RETREG3: variants seen among roughly 807,000 people sequenced by gnomAD.
The protein encoded by RETREG3 is reticulophagy regulator 3.
A neutral mutation model predicts 50.2 loss-of-function variants in RETREG3; 23 were observed. The ratio of observed to expected loss-of-function variants is 0.46; its 90% CI spans 0.33 to 0.65. RETREG3 has a LOEUF of 0.65. RETREG3 is among the 30% of genes least tolerant of loss of function. The pLI is 0.02. For missense variants in RETREG3, 546 were observed against 598.0 expected (o/e 0.91, Z 0.91); for synonymous variants, 240 against 234.4 (o/e 1.02, Z -0.22).
chr17:42,598,855 A>G (rs545467024), intron 1 of RETREG3: 16 of 152,230 alleles, frequency 1.1e-4, no homozygotes, highest in Non-Finnish European at 2.1e-4. Context: ...AGCATAGCTT[A>G]TAAGAATGGA....
chr17:42,607,453 T>A (rs1269728278), intron 1 of RETREG3, among the ~76,000 whole-genome samples: 6 of 127,612 alleles, frequency 4.7e-5, no homozygotes, highest in African/African-American at 1.8e-4. Flanking sequence ...TGAGCCGAGA[T>A]CATACCACTG....
chr17:42,588,013 G>T, intron 2 of RETREG3, 149 bp from the exon 3 acceptor site: 2 of 831,100 alleles, frequency 2.4e-6, no homozygotes, highest in Non-Finnish European at 4.0e-6. Flanking sequence ...GTGTTATACT[G>T]CCAGTTAGGG....
At chr17:42,595,521 C>T (rs906173780) in intron 1 of RETREG3, among the ~76,000 whole-genome samples, 1 of 151,878 alleles carries the variant, frequency 6.6e-6, no homozygotes, top group Non-Finnish European at 1.5e-5. Flanking sequence ...CTCAGCCTCC[C>T]AAGTAGCTGG....
intron 1 of RETREG3, among the ~76,000 whole-genome samples, chr17:42,602,146 T>C (rs901482819): frequency 6.6e-6 from 1 of 151,792 alleles, no homozygotes; most frequent in African/African-American, 2.4e-5. Context: ...TGAAACTCCA[T>C]CTCTACTAAA....
rs1420330499 is a variant in RETREG3, at chr17:42,582,796, G to T, written c.821C>A (p.Ser274Tyr). 1 of 1,614,092 alleles carries T rather than the reference G, an allele frequency of 6.2e-7. No individual in the cohort carries two copies. The highest frequency in any genetic ancestry group is 2.2e-5 in the East Asian group (1 of 44,894). Residue 274 changes from serine to tyrosine, a missense_variant, in exon 8 of 9, where the codon TCT becomes TAT. Physicochemically the swap from Ser to Tyr is moderately radical, Grantham distance 144 (BLOSUM62 -2). Coordinates refer to ENST00000309428, the MANE Select transcript of RETREG3 (RefSeq NM_178126.4). ...LAAFCPQLDD[S>Y]TVARELAITD... is the part of the protein sequence containing the mutation. ...GATGGCCAATTCCCTGGCAACAGTA[G>T]AATCGTCCAGCTTAGGAAAAGACCA...
At chr17:42,598,889 T>G (rs1467157029) in intron 1 of RETREG3, 1 of 152,182 alleles carries the variant, frequency 6.6e-6, no homozygotes, top group Non-Finnish European at 1.5e-5. Context: ...AACAAGCAAT[T>G]TAAATAGTCC....
rs750386596 is a variant in RETREG3 at position 42,585,273 on chromosome 17, G to C, written c.590-11C>G. 3.1e-6 allele frequency: 5 copies of C among 1,611,264 alleles called. No individual in the cohort carries two copies. In the East Asian group the frequency reaches 8.9e-5, roughly 29 times the overall value. ...TCATGACAGTGACAACTGTGAGGAG[G>C]CATGGGAAACAGTGACAAAATGGAG... On this transcript the variant is annotated splice_polypyrimidine_tract_variant and intron_variant, in intron 5 of 8. Coordinates refer to ENST00000309428, the MANE Select transcript of RETREG3 (RefSeq NM_178126.4).
chr17:42,581,629 C>T lies in RETREG3; in HGVS notation c.*184G>A, dbSNP rs921431335. The T allele has an allele frequency of 3.5e-6, 2 of 564,072 alleles. No homozygotes were observed. The highest frequency in any genetic ancestry group is 1.9e-5 in the African/African-American group (1 of 53,186). The allele number at this position is 564,072 out of a possible 1,614,324, so 34.9% of individuals were successfully genotyped here. ...TTCAGTGACTGAGCTCAGAAATGGG[C>T]ATCCAGCTGGTGGGAGGGGAGTGAG... On this transcript the variant is annotated 3_prime_UTR_variant, in exon 9 of 9. Coordinates refer to ENST00000309428, the MANE Select transcript of RETREG3 (RefSeq NM_178126.4).
At chr17:42,583,437 G>C in intron 7 of RETREG3, 61 bp downstream of exon 7, 5 of 1,528,496 alleles carry the variant, frequency 3.3e-6, no homozygotes, top group Non-Finnish European at 4.5e-6. Context: ...GTGAGCTGTC[G>C]GATGGTTAAA....
rs1466353685 is a variant in RETREG3 at position 42,582,694 on chromosome 17, G to A, written c.923C>T (p.Pro308Leu). The A allele has an allele frequency of 3.7e-6, 6 of 1,614,250 alleles. No individual in the cohort carries two copies. The East Asian group carries it at 1.1e-4, about 30-fold the overall frequency. ...CTCACCTTCAGAGCCTTCCGTTAGA[G>A]GTGTTTGGCCCCTTGAAAGATTGAA... The part of the protein sequence containing the change: ...GTFNLSRGQT[P>L]LTEGSEDLDG... The change falls in exon 8 of 9, where the codon CCT becomes CTT. Residue 308 changes from proline to leucine, a missense_variant. Transcript: ENST00000309428.
chr17:42,609,035 G>A (rs1448409382), intron 1 of RETREG3, 51 bp downstream of exon 1: 2 of 1,562,646 alleles, frequency 1.3e-6, no homozygotes, highest in Middle Eastern at 1.7e-4. Flanking sequence ...AGCCCTAGAG[G>A]AACCAACGAA....
intron 4 of RETREG3, chr17:42,586,472 AC>A (rs1328621454): frequency 7.1e-6 from 3 of 420,594 alleles, no homozygotes; most frequent in African/African-American, 6.0e-5. Context: ...AAACACAACA[AC>A]CTATCACATA....
At chr17:42,589,592 C>G (rs1375571416) in intron 2 of RETREG3, among the ~76,000 whole-genome samples, 1 of 152,126 alleles carries the variant, frequency 6.6e-6, no homozygotes, top group Non-Finnish European at 1.5e-5. Flanking sequence ...CACCACCATG[C>G]CTGGGTAATT....
chr17:42,598,515 C>T (rs2093152498), intron 1 of RETREG3: 1 of 152,176 alleles, frequency 6.6e-6, no homozygotes, highest in Non-Finnish European at 1.5e-5. Flanking sequence ...TCTCCCCACA[C>T]TGATTCCCTC....
intron 6 of RETREG3, 63 bp from the exon 7 acceptor site, chr17:42,583,643 T>C: frequency 2.0e-6 from 3 of 1,487,482 alleles, no homozygotes; most frequent in Non-Finnish European, 2.8e-6. Context: ...CCTTTGGACT[T>C]TAAAGACATA....
chr17:42,607,324 C>T (rs989641266), intron 1 of RETREG3, among the ~76,000 whole-genome samples: 7 of 151,460 alleles, frequency 4.6e-5, no homozygotes, highest in Admixed American at 3.9e-4. Context: ...TATAGTGAGA[C>T]CCTGTCTCCA....
chr17:42,583,584 T>C lies in RETREG3; in HGVS notation c.728-4A>G. On this transcript the variant is annotated splice_region_variant and splice_polypyrimidine_tract_variant and intron_variant, in intron 6 of 8. Coordinates refer to ENST00000309428, the MANE Select transcript of RETREG3 (RefSeq NM_178126.4). Reference sequence around the variant, plus strand: ...GGGTGGAGAGCTCTGCGGCGTACTGTGGGAAGAGCACAAAGTCTTGCTTGA... The same window carrying C: ...GGGTGGAGAGCTCTGCGGCGTACTGCGGGAAGAGCACAAAGTCTTGCTTGA... 1 of 1,612,764 alleles carries C rather than the reference T, an allele frequency of 6.2e-7. No homozygotes were observed. Among genetic ancestry groups the C allele is most frequent in the Non-Finnish European group, 8.5e-7 (1 of 1,179,122 alleles).
At chr17:42,582,957 C>A in intron 7 of RETREG3, 151 bp from the exon 8 acceptor site, 1 of 1,006,970 alleles carries the variant, frequency 9.9e-7, no homozygotes, top group South Asian at 1.8e-5. Context: ...TTGAAAACTC[C>A]CTCTCCCCTT....
At position 42,581,775 on chromosome 17, in the gene RETREG3, A is replaced by C; in HGVS notation, c.*38T>G. On this transcript the variant is annotated 3_prime_UTR_variant, in exon 9 of 9. Transcript: ENST00000309428. ...ACCTTAAGTGGGATGGGGAGAAAAAAACCTAAACCACAGTGACTCCCAAAA... is the reference window on the plus strand; with the variant it reads ...ACCTTAAGTGGGATGGGGAGAAAAACACCTAAACCACAGTGACTCCCAAAA... 6.6e-7 allele frequency: 1 copy of C among 1,517,242 alleles called. No individual in the cohort carries two copies. Among genetic ancestry groups the C allele is most frequent in the Non-Finnish European group, 8.8e-7 (1 of 1,132,590 alleles). 94.0% of individuals were successfully genotyped at this position (1,517,242 alleles called of 1,614,324 possible). A position where few individuals can be genotyped will look rare whatever the true frequency, so the allele number is the denominator to read the frequency against.
Sources: gnomAD v4.1 joint callset for allele counts (sites outside exome capture counted in the v4.1 genomes callset) on GRCh38, gnomAD v4.1.1 for gene constraint, MANE v1.5 for transcripts, NCBI Gene and HGNC (gene_info 2026-07-23, HGNC 2026-07-21) for gene names.